Variants in TECPR1 observed in about 807,000 individuals in gnomAD.
TECPR1 encodes the protein tectonin beta-propeller repeat containing 1.
In TECPR1, 122 loss-of-function variants were observed where a neutral mutation model predicts 162.4. That is an observed-to-expected ratio of 0.75 (90% confidence interval 0.65 to 0.87). The LOEUF is 0.87. TECPR1 is among the 40% of genes least tolerant of loss of function. The pLI is 0.00. For missense variants in TECPR1, 1,432 were observed against 1,618.2 expected (o/e 0.88, Z 1.97); for synonymous variants, 642 against 670.6 (o/e 0.96, Z 0.66).
At chr7:98,233,082 GCT>G in intron 11 of TECPR1, 110 bp from the exon 12 acceptor site, 4 of 1,309,676 alleles carry the variant, frequency 3.1e-6, no homozygotes, top group Non-Finnish European at 4.1e-6. Flanking sequence ...CAAAAGCTAC[GCT>G]CTCTGTTAAG....
Position 98,235,849 on chromosome 7 carries a change from A to AAACAAAAAAAAAAAAAAAAACAAC in TECPR1, c.1181+926_1181+927insGTTGTTTTTTTTTTTTTTTTTGTT, listed in dbSNP as rs1554401446. Reference sequence around the variant, plus strand: ...TCTCAAAAAAAAAAAAAAAAAAAAAAAACACCATCTGAGCAGACTAAACCC... The same window carrying AAACAAAAAAAAAAAAAAAAACAAC: ...TCTCAAAAAAAAAAAAAAAAAAAAAAAACAAAAAAAAAAAAAAAAACAACAACACCATCTGAGCAGACTAAACCC... On this transcript the variant is annotated intron_variant, in intron 10 of 25. Coordinates refer to ENST00000447648, the MANE Select transcript of TECPR1 (RefSeq NM_015395.3). Among the ~76,000 whole-genome samples, 19 of 110,338 alleles carry AAACAAAAAAAAAAAAAAAAACAAC rather than the reference A, an allele frequency of 1.7e-4. 2 individuals are homozygous for AAACAAAAAAAAAAAAAAAAACAAC. Among genetic ancestry groups the AAACAAAAAAAAAAAAAAAAACAAC allele is most frequent in the Non-Finnish European group, 3.1e-4 (15 of 48,562 alleles). The allele number at this position is 110,338 out of a possible 152,430, so 72.4% of individuals were successfully genotyped here.
Position 98,217,355 on chromosome 7 carries a change from G to T in TECPR1, c.*35C>A, listed in dbSNP as rs769133049. The T allele has an allele frequency of 4.5e-5, 60 of 1,335,290 alleles. No homozygotes were observed. The Middle Eastern group carries it at 1.3e-3, about 29-fold the overall frequency. 82.7% of individuals were successfully genotyped at this position (1,335,290 alleles called of 1,614,324 possible). On this transcript the variant is annotated 3_prime_UTR_variant, in exon 26 of 26. Coordinates refer to ENST00000447648, the MANE Select transcript of TECPR1 (RefSeq NM_015395.3). ...GGCTCAGCCTTGATCCCCCAAACTGGGCACCGTCCCTGCATGTAGGTGTGT... is the reference window on the plus strand; with the variant it reads ...GGCTCAGCCTTGATCCCCCAAACTGTGCACCGTCCCTGCATGTAGGTGTGT...
chr7:98,248,114 G>A (rs981807036), intron 2 of TECPR1, among the ~76,000 whole-genome samples: 1 of 152,140 alleles, frequency 6.6e-6, no homozygotes, highest in African/African-American at 2.4e-5. Context: ...CACCTCCAGG[G>A]CCCATAGTGC....
chr7:98,244,737 A>C lies in TECPR1; in HGVS notation c.409-44T>G. ...GGCTCTCAGGCTCTGCGGGGAAGGC[A>C]TTTGAAGAGCTGGGGAAGGTGGGGA... On this transcript the variant is annotated intron_variant, in intron 4 of 25. Transcript: ENST00000447648. The C allele has an allele frequency of 1.9e-6, 3 of 1,589,736 alleles. No individual in the cohort carries two copies. In the South Asian group the frequency reaches 3.4e-5, roughly 18 times the overall value.
intron 20 of TECPR1, among the ~76,000 whole-genome samples, 180 bp from the exon 21 acceptor site, chr7:98,223,350 C>A (rs562984890): frequency 1.1e-4 from 17 of 149,994 alleles, no homozygotes; most frequent in African/African-American, 3.2e-4. Context: ...GCCCCCACCC[C>A]CACCCCCAGC....
intron 2 of TECPR1, among the ~76,000 whole-genome samples, chr7:98,246,915 A>T (rs1562946300): frequency 6.6e-6 from 1 of 151,856 alleles, no homozygotes; most frequent in Non-Finnish European, 1.5e-5. Flanking sequence ...TTAAAAATAG[A>T]TCACTTGAGG....
rs1339051132 is a variant in TECPR1, at chr7:98,251,405, C to T, written c.-31G>A. 3.9e-5 allele frequency: 6 copies of T among 152,168 alleles called. No homozygotes were observed. Among genetic ancestry groups the T allele is most frequent in the Non-Finnish European group, 5.9e-5 (4 of 68,046 alleles). 9.4% of individuals were successfully genotyped at this position (152,168 alleles called of 1,614,324 possible). A position where few individuals can be genotyped will look rare whatever the true frequency, so the allele number is the denominator to read the frequency against. On this transcript the variant is annotated 5_prime_UTR_variant, in exon 2 of 26. Transcript: ENST00000447648. The stretch of plus-strand genomic sequence containing the variant: ...CCGCAAGCACTTACTTCCTCTGAGC[C>T]TTAGGAGTCCTACCTAAAAGGTTTC...
rs762459209 is a variant in TECPR1, at chr7:98,224,842, GC to G, written c.2648del (p.Gly883AlafsTer23). On this transcript the variant is annotated frameshift_variant, in exon 19 of 26. Coordinates refer to ENST00000447648, the MANE Select transcript of TECPR1 (RefSeq NM_015395.3). LOFTEE classifies it high-confidence loss of function. ...DWFVDFSVPG[G>X]TDQEGWQYAS... is the part of the protein sequence containing the mutation. ...CATACTGCCACCCCTCCTGGTCCGT[GC>G]CCCCCGGAACGCTGAAATCCACGAA... 3 of 1,578,088 alleles carry G rather than the reference GC, an allele frequency of 1.9e-6. No homozygotes were observed. Among genetic ancestry groups the G allele is most frequent in the Admixed American group, 1.8e-5 (1 of 54,490 alleles).
chr7:98,237,116 C>T (rs1352906833), intron 9 of TECPR1, among the ~76,000 whole-genome samples, 195 bp from the exon 10 acceptor site: 3 of 151,904 alleles, frequency 2.0e-5, no homozygotes, highest in Admixed American at 2.0e-4. Context: ...GCGACCTGGT[C>T]CCGTCTCCCT....
Position 98,232,754 on chromosome 7 carries a change from T to C in TECPR1, c.1818+73A>G. On this transcript the variant is annotated intron_variant, in intron 12 of 25. Transcript: ENST00000447648. This position sits in a 1 kb window ranked among gnomAD's most constrained non-coding sequence, Gnocchi z 4.6. ...ATCTATCTGTTTCTCTCAGAGCTGGTACACAGCAGGCGCTCAATGAATGAT... is the reference window on the plus strand; with the variant it reads ...ATCTATCTGTTTCTCTCAGAGCTGGCACACAGCAGGCGCTCAATGAATGAT... 2.0e-6 allele frequency: 3 copies of C among 1,463,964 alleles called. No individual in the cohort carries two copies. Among genetic ancestry groups the C allele is most frequent in the Non-Finnish European group, 2.7e-6 (3 of 1,107,102 alleles). The allele number at this position is 1,463,964 out of a possible 1,614,324, so 90.7% of individuals were successfully genotyped here. A position where few individuals can be genotyped will look rare whatever the true frequency, so the allele number is the denominator to read the frequency against.
chr7:98,251,168 A>T (rs1440999073), intron 2 of TECPR1: 1 of 152,172 alleles, frequency 6.6e-6, no homozygotes, highest in Non-Finnish European at 1.5e-5. Flanking sequence ...AAATCTTCCA[A>T]ATCAGCAGCC....
chr7:98,241,008 C>T lies in TECPR1; in HGVS notation c.833-57G>A, dbSNP rs1420960642. The T allele has an allele frequency of 9.0e-5, 143 of 1,584,118 alleles. 1 individual carries two copies. Among genetic ancestry groups the T allele is most frequent in the South Asian group, 3.0e-4 (26 of 86,966 alleles). On this transcript the variant is annotated intron_variant, in intron 7 of 25. Transcript: ENST00000447648. This position sits in a 1 kb window ranked among gnomAD's most constrained non-coding sequence, Gnocchi z 5.0. ...CCCATCAGCCTGGACAGCTGGGGAG[C>T]GAGTGACCCTCACCCTTCTCCCCAG...
chr7:98,219,491 C>T (rs531994356), intron 23 of TECPR1, among the ~76,000 whole-genome samples: 22 of 152,312 alleles, frequency 1.4e-4, no homozygotes, highest in Non-Finnish European at 3.1e-4. Flanking sequence ...ATGCAACTGA[C>T]AAAGGACTCA....
chr7:98,229,256 G>T, intron 15 of TECPR1, 90 bp from the exon 16 acceptor site: 2 of 1,477,624 alleles, frequency 1.4e-6, no homozygotes, highest in Non-Finnish European at 9.1e-7. Context: ...TCCTCCTGTG[G>T]TTCTGGGATT....
chr7:98,236,612 G>A (rs953610857), intron 10 of TECPR1, among the ~76,000 whole-genome samples, 164 bp downstream of exon 10: 2 of 151,464 alleles, frequency 1.3e-5, no homozygotes, highest in Non-Finnish European at 2.9e-5. Flanking sequence ...GAGGCAGGAG[G>A]GCTTCGGCTC....
At chr7:98,251,315 A>AC (rs1012449089) in intron 2 of TECPR1, 79 bp downstream of exon 2, 2 of 151,962 alleles carry the variant, frequency 1.3e-5, no homozygotes, top group African/African-American at 4.8e-5. Context: ...AGAGACCAAA[A>AC]AAAGCACCCA....
rs1476603872 is a variant in TECPR1 at position 98,241,465 on chromosome 7, C to G, written c.658-221G>C. Among the ~76,000 whole-genome samples the G allele has an allele frequency of 2.0e-5, 3 of 152,154 alleles. No homozygotes were observed. Among genetic ancestry groups the G allele is most frequent in the African/African-American group, 7.2e-5 (3 of 41,436 alleles). ...TTTGGGGTGATGCCCCCAACCCAGC[C>G]CACTCATGGACACCCACCCACCACC... On this transcript the variant is annotated intron_variant, in intron 6 of 25. Coordinates refer to ENST00000447648, the MANE Select transcript of TECPR1 (RefSeq NM_015395.3). The surrounding 1 kb of genome is among the most constrained non-coding windows in gnomAD (Gnocchi z 5.0).
At position 98,214,993 on chromosome 7, in the gene TECPR1, G is replaced by C. The variant is rs557237453; in HGVS notation, c.*2397C>G. 12 of 152,392 alleles carry C rather than the reference G, an allele frequency of 7.9e-5. No individual in the cohort carries two copies. The highest frequency in any genetic ancestry group is 1.8e-4 in the Non-Finnish European group (12 of 68,172). 9.4% of individuals were successfully genotyped at this position (152,392 alleles called of 1,614,324 possible). A position where few individuals can be genotyped will look rare whatever the true frequency, so the allele number is the denominator to read the frequency against. On this transcript the variant is annotated 3_prime_UTR_variant, in exon 26 of 26. Transcript: ENST00000447648. ...GTCCAGTGTTTCGAGGAGGAGAGGGGACAGGGGCCAGGTCCACTCCCTTGG... is the reference window on the plus strand; with the variant it reads ...GTCCAGTGTTTCGAGGAGGAGAGGGCACAGGGGCCAGGTCCACTCCCTTGG...
chr7:98,245,000 A>C lies in TECPR1; in HGVS notation c.293T>G (p.Val98Gly), dbSNP rs1212942746. The C allele has an allele frequency of 6.2e-7, 1 of 1,611,004 alleles. No individual in the cohort carries two copies. Residue 98 changes from valine to glycine, a missense_variant, in exon 4 of 26, where the codon GTG becomes GGG. By Grantham distance (109) the Val-to-Gly change is moderately radical. Coordinates refer to ENST00000447648, the MANE Select transcript of TECPR1 (RefSeq NM_015395.3). Reference sequence around the variant, plus strand: ...CAGCGGCCGGTGCTGGAGCCCACTCACGTCACTCCACCCCCAGCGGTCACT... The same window carrying C: ...CAGCGGCCGGTGCTGGAGCCCACTCCCGTCACTCCACCCCCAGCGGTCACT... Reference protein sequence around the residue: ...LLSDRWGWSDVSGLQHRPLDR... With the variant: ...LLSDRWGWSDGSGLQHRPLDR...
Sources: allele counts gnomAD v4.1 joint callset (sites outside exome capture counted in the v4.1 genomes callset), GRCh38; gene constraint gnomAD v4.1.1; non-coding constraint Gnocchi (gnomAD v3.1); transcripts MANE v1.5; gene names NCBI Gene and HGNC (gene_info 2026-07-23, HGNC 2026-07-21).